Variants in SLAMF1 observed in about 807,000 individuals in gnomAD.
SLAMF1 encodes signaling lymphocytic activation molecule.
A neutral mutation model predicts 35.1 loss-of-function variants in SLAMF1; 18 were observed. The observed-to-expected ratio is 0.51, with a 90% CI of 0.35 to 0.76. The LOEUF (loss-of-function observed/expected upper bound fraction) is 0.76. Among genes scored for constraint, SLAMF1 ranks in the 30% least tolerant of loss-of-function variants. SLAMF1 has a pLI of 0.01. For missense variants in SLAMF1, 392 were observed against 413.0 expected (o/e 0.95, Z 0.44); for synonymous variants, 168 against 157.2 (o/e 1.07, Z -0.51).
At chr1:160,625,279 A>C (rs1414281057) in intron 3 of SLAMF1, among the ~76,000 whole-genome samples, 1 of 152,204 alleles carries the variant, frequency 6.6e-6, no homozygotes, top group Non-Finnish European at 1.5e-5. Flanking sequence ...TGTTAACATT[A>C]ATGTGTAAGG....
intron 5 of SLAMF1, among the ~76,000 whole-genome samples, chr1:160,617,168 A>T (rs572674035): frequency 8.4e-4 from 126 of 150,138 alleles, no homozygotes; most frequent in African/African-American, 2.4e-3. Context: ...AAAAAAATTT[A>T]AAAAAAAAAG....
At chr1:160,627,430 A>G (rs1659939330) in intron 3 of SLAMF1, among the ~76,000 whole-genome samples, 2 of 152,200 alleles carry the variant, frequency 1.3e-5, no homozygotes, top group Admixed American at 6.5e-5. Context: ...TTGATTGGAA[A>G]GACAAGAAAA....
At chr1:160,613,454 C>A (rs1659110754) in intron 5 of SLAMF1, among the ~76,000 whole-genome samples, 1 of 152,170 alleles carries the variant, frequency 6.6e-6, no homozygotes, top group Admixed American at 6.5e-5. Context: ...GAATTAAAAT[C>A]CACAATTCCT....
intron 5 of SLAMF1, chr1:160,615,711 G>C (rs762139468): frequency 6.0e-6 from 2 of 333,272 alleles, no homozygotes; most frequent in South Asian, 4.9e-5. Flanking sequence ...TCAAGATAAG[G>C]ATTTCAAAAT....
chr1:160,647,016 A>C lies in SLAMF1; in HGVS notation c.-71T>G. 1.3e-6 allele frequency: 1 copy of C among 798,944 alleles called. No homozygotes were observed. Among genetic ancestry groups the C allele is most frequent in the Non-Finnish European group, 2.2e-6 (1 of 455,900 alleles). 49.5% of individuals were successfully genotyped at this position (798,944 alleles called of 1,614,324 possible). On this transcript the variant is annotated 5_prime_UTR_variant, in exon 1 of 7. Coordinates refer to ENST00000302035, the MANE Select transcript of SLAMF1 (RefSeq NM_003037.5). ...TGCTCACAGATGCCAGGCAGAAGCAAGCTTCGTGTCATGCAGCAGAGGCTG... is the reference window on the plus strand; with the variant it reads ...TGCTCACAGATGCCAGGCAGAAGCACGCTTCGTGTCATGCAGCAGAGGCTG...
At chr1:160,631,757 C>T (rs760699285) in intron 3 of SLAMF1, among the ~76,000 whole-genome samples, 8 of 152,064 alleles carry the variant, frequency 5.3e-5, no homozygotes, top group Admixed American at 2.6e-4. Context: ...CAAGCTAAGG[C>T]GAGAGGCCTC....
At chr1:160,631,506 G>GCTCT (rs1464335294) in intron 3 of SLAMF1, among the ~76,000 whole-genome samples, 1 of 152,176 alleles carries the variant, frequency 6.6e-6, no homozygotes, top group Non-Finnish European at 1.5e-5. Flanking sequence ...CTATGTTGAA[G>GCTCT]CTCTAACCCC....
rs138438094 is a variant in SLAMF1, at chr1:160,619,884, TG to T, written c.791-36del. On this transcript the variant is annotated intron_variant, in intron 4 of 6. Transcript: ENST00000302035. ...AGAAACCATAATGGTTATCTCCCTC[TG>T]GTCCCCAGCAGGAGCTCCTTACTCA... is the stretch of plus-strand genomic sequence containing the variant. 2.0e-4 allele frequency: 289 copies of T among 1,434,620 alleles called. 1 individual carries two copies. In the East Asian group the frequency reaches 6.5e-3, roughly 32 times the overall value. The allele number at this position is 1,434,620 out of a possible 1,614,324, so 88.9% of individuals were successfully genotyped here.
chr1:160,625,847 GTGTGTGTA>G (rs1553240256), intron 3 of SLAMF1, among the ~76,000 whole-genome samples: 3,417 of 148,206 alleles, frequency 0.023, 54 homozygotes, highest in Non-Finnish European at 0.035. Flanking sequence ...GTGTGTGTGT[GTGTGTGTA>G]TGTGTGTATG....
chr1:160,637,219 C>T lies in SLAMF1; in HGVS notation c.387G>A (p.Gln129=). The change falls in exon 2 of 7, where the codon CAG becomes CAA. Residue 129 remains glutamine (Q), a synonymous_variant. Coordinates refer to ENST00000302035, the MANE Select transcript of SLAMF1 (RefSeq NM_003037.5). ...LMTLEKNVSV[Q]RFCLQLRLYE... ...AAAGCCTCAACTGCAGGCAAAAGCG[C>T]TGAACTGAAACATTTTTCTCCAGGG... 6.2e-7 allele frequency: 1 copy of T among 1,614,086 alleles called. No homozygotes were observed. The highest frequency in any genetic ancestry group is 8.5e-7 in the Non-Finnish European group (1 of 1,179,972).
intron 3 of SLAMF1, among the ~76,000 whole-genome samples, chr1:160,633,436 T>C (rs753355526): frequency 6.6e-6 from 1 of 152,152 alleles, no homozygotes; most frequent in Non-Finnish European, 1.5e-5. Flanking sequence ...GGAGTCTCTG[T>C]GACAGGCAGT....
At chr1:160,638,954 C>T (rs1319449350) in intron 1 of SLAMF1, among the ~76,000 whole-genome samples, 1 of 152,188 alleles carries the variant, frequency 6.6e-6, no homozygotes, top group Non-Finnish European at 1.5e-5. Context: ...TCGGAGTTCT[C>T]ATTCTCATCC....
intron 6 of SLAMF1, among the ~76,000 whole-genome samples, chr1:160,612,094 G>T (rs1277058892): frequency 6.6e-6 from 1 of 152,114 alleles, no homozygotes; most frequent in African/African-American, 2.4e-5. Context: ...CCAGCAGGGG[G>T]TTAGCAGTGG....
At chr1:160,611,170 T>G (rs963540404) in intron 6 of SLAMF1, among the ~76,000 whole-genome samples, 1 of 152,142 alleles carries the variant, frequency 6.6e-6, no homozygotes, top group Non-Finnish European at 1.5e-5. Flanking sequence ...ATTATTGAGT[T>G]TTTAAAAAGT....
chr1:160,627,047 A>T (rs1239167475), intron 3 of SLAMF1, among the ~76,000 whole-genome samples: 1 of 152,130 alleles, frequency 6.6e-6, no homozygotes, highest in Non-Finnish European at 1.5e-5. Flanking sequence ...CATCATCTTT[A>T]CCATGCAGAC....
chr1:160,640,600 G>A (rs945500793), intron 1 of SLAMF1, among the ~76,000 whole-genome samples: 3 of 151,906 alleles, frequency 2.0e-5, no homozygotes, highest in African/African-American at 7.3e-5. Flanking sequence ...GCTAAGATGA[G>A]CTATTGGAAA....
At chr1:160,615,129 T>A (rs1411484503) in intron 5 of SLAMF1, among the ~76,000 whole-genome samples, 1 of 152,138 alleles carries the variant, frequency 6.6e-6, no homozygotes, top group African/African-American at 2.4e-5. Flanking sequence ...TTTAAATAAT[T>A]GTCTACATTA....
At chr1:160,616,292 T>A (rs1659297790) in intron 5 of SLAMF1, among the ~76,000 whole-genome samples, 1 of 152,070 alleles carries the variant, frequency 6.6e-6, no homozygotes, top group African/African-American at 2.4e-5. Context: ...ACTTATTTTT[T>A]TAAGGACATT....
intron 1 of SLAMF1, among the ~76,000 whole-genome samples, chr1:160,643,468 C>T (rs547520675): frequency 6.6e-6 from 1 of 152,116 alleles, no homozygotes; most frequent in Non-Finnish European, 1.5e-5. Context: ...TTTTATTATT[C>T]GTTTGGATCA....
Sources: gnomAD v4.1 joint callset for allele counts (sites outside exome capture counted in the v4.1 genomes callset) on GRCh38, gnomAD v4.1.1 for gene constraint, MANE v1.5 for transcripts, NCBI Gene and HGNC (gene_info 2026-07-23, HGNC 2026-07-21) for gene names.